The following KCND2 variants were observed in gnomAD, a reference collection of about 807,000 sequenced individuals.
The protein encoded by KCND2 is potassium voltage-gated channel subfamily D member 2.
In KCND2, 16 loss-of-function variants were observed where a neutral mutation model predicts 54.4. The observed-to-expected ratio is 0.29, with a 90% CI of 0.20 to 0.45. The LOEUF is 0.45. KCND2 is among the 20% of genes least tolerant of loss of function. The probability of loss-of-function intolerance (pLI) is 1.00; values close to 1 mark genes in which losing one functional copy is unlikely to be tolerated. For synonymous variants in KCND2, 317 were observed against 310.7 expected, an observed-to-expected ratio of 1.02 and a Z score of -0.21; for missense variants, 486 against 824.2, an observed-to-expected ratio of 0.59 and a Z score of 5.02.
At chr7:120,662,097 T>C (rs527996636) in intron 1 of KCND2, among the ~76,000 whole-genome samples, 3 of 152,304 alleles carry the variant, frequency 2.0e-5, no homozygotes, top group African/African-American at 4.8e-5. Context: ...GCAAAACTTA[T>C]ATTAAGTAAA....
At chr7:120,699,143 G>T (rs1333100085) in intron 1 of KCND2, among the ~76,000 whole-genome samples, 1 of 152,012 alleles carries the variant, frequency 6.6e-6, no homozygotes, top group African/African-American at 2.4e-5. Flanking sequence ...TTAGCCGGGT[G>T]TGGTGGCGGG....
intron 1 of KCND2, among the ~76,000 whole-genome samples, chr7:120,316,763 C>CT (rs1045200001): frequency 1.1e-4 from 17 of 151,316 alleles, no homozygotes; most frequent in Non-Finnish European, 2.1e-4. Flanking sequence ...AGAATGATAT[C>CT]TTTTTTTTGT....
intron 1 of KCND2, among the ~76,000 whole-genome samples, chr7:120,302,288 C>G (rs1285480952): frequency 6.6e-6 from 1 of 152,108 alleles, no homozygotes; most frequent in Non-Finnish European, 1.5e-5. Flanking sequence ...TTGAGACAGT[C>G]TCACTCTTTT....
At chr7:120,685,868 C>T (rs1792195122) in intron 1 of KCND2, among the ~76,000 whole-genome samples, 1 of 152,074 alleles carries the variant, frequency 6.6e-6, no homozygotes, top group African/African-American at 2.4e-5. Context: ...CTTCCTGAAC[C>T]CTGGTGGGCA....
intron 1 of KCND2, among the ~76,000 whole-genome samples, chr7:120,596,831 A>G (rs1792751883): frequency 6.6e-6 from 1 of 152,234 alleles, no homozygotes; most frequent in Admixed American, 6.5e-5. Context: ...AAACAAGTGC[A>G]CATGTGATTA....
intron 1 of KCND2, among the ~76,000 whole-genome samples, chr7:120,550,862 G>A (rs900528653): frequency 2.6e-5 from 4 of 152,136 alleles, no homozygotes; most frequent in African/African-American, 9.7e-5. Flanking sequence ...AAAGCAAGCC[G>A]GAAATAGCAC....
At position 120,320,206 on chromosome 7, in the gene KCND2, A is replaced by T. The variant is rs2116328714; in HGVS notation, c.1115+44459A>T. Among the ~76,000 whole-genome samples the T allele has an allele frequency of 2.0e-5, 3 of 152,092 alleles. No individual in the cohort carries two copies. In the Middle Eastern group the frequency reaches 0.01, roughly 517 times the overall value. On this transcript the variant is annotated intron_variant, in intron 1 of 5. Coordinates refer to ENST00000331113, the MANE Select transcript of KCND2 (RefSeq NM_012281.3). ...GGGAAGACAGGCACGTAATATAGTA[A>T]TATAAGTATAATAATGGATTGTATA...
chr7:120,332,422 A>G (rs1308042093), intron 1 of KCND2, among the ~76,000 whole-genome samples: 1 of 152,134 alleles, frequency 6.6e-6, no homozygotes, highest in Non-Finnish European at 1.5e-5. Flanking sequence ...GTTTGAAAGG[A>G]CTAATTATGT....
At chr7:120,630,484 A>AT (rs1290100727) in intron 1 of KCND2, among the ~76,000 whole-genome samples, 3 of 152,186 alleles carry the variant, frequency 2.0e-5, no homozygotes, top group African/African-American at 7.2e-5. Context: ...TCCTTCAGGT[A>AT]TATATGGTAC....
At chr7:120,394,425 T>C (rs1336767450) in intron 1 of KCND2, among the ~76,000 whole-genome samples, 1 of 151,910 alleles carries the variant, frequency 6.6e-6, no homozygotes, top group Non-Finnish European at 1.5e-5. Flanking sequence ...TTAGGTTCTA[T>C]AATAGTGATG....
At chr7:120,615,801 C>T (rs1482684730) in intron 1 of KCND2, among the ~76,000 whole-genome samples, 1 of 152,164 alleles carries the variant, frequency 6.6e-6, no homozygotes, top group African/African-American at 2.4e-5. Flanking sequence ...TAAAATGTAG[C>T]AAACTTCTCT....
intron 1 of KCND2, among the ~76,000 whole-genome samples, chr7:120,497,611 A>T (rs1199211949): frequency 6.6e-6 from 1 of 152,186 alleles, no homozygotes; most frequent in Non-Finnish European, 1.5e-5. Context: ...TCCTAGGTCT[A>T]GTCTTTGTTC....
chr7:120,323,297 T>G (rs898242421), intron 1 of KCND2, among the ~76,000 whole-genome samples: 1 of 152,072 alleles, frequency 6.6e-6, no homozygotes, highest in African/African-American at 2.4e-5. Context: ...GTTTTATTTA[T>G]TTATTTTTTT....
intron 1 of KCND2, among the ~76,000 whole-genome samples, chr7:120,644,882 G>T (rs1056673314): frequency 6.6e-6 from 1 of 152,028 alleles, no homozygotes; most frequent in Non-Finnish European, 1.5e-5. Flanking sequence ...CTTCATACAC[G>T]CATGATAGAT....
chr7:120,321,058 C>T (rs1388069455), intron 1 of KCND2, among the ~76,000 whole-genome samples: 1 of 152,076 alleles, frequency 6.6e-6, no homozygotes, highest in Non-Finnish European at 1.5e-5. Flanking sequence ...TAAATGCTAA[C>T]CTTTTTTTCC....
chr7:120,515,878 G>A (rs1178470989), intron 1 of KCND2, among the ~76,000 whole-genome samples: 1 of 152,064 alleles, frequency 6.6e-6, no homozygotes. Context: ...AGAGTCAGAA[G>A]AAGAAGAAAG....
At chr7:120,508,859 A>G (rs992239034) in intron 1 of KCND2, among the ~76,000 whole-genome samples, 1 of 149,530 alleles carries the variant, frequency 6.7e-6, no homozygotes, top group Non-Finnish European at 1.5e-5. Context: ...TCCTCCAGAT[A>G]CACACTTTTA....
intron 1 of KCND2, among the ~76,000 whole-genome samples, chr7:120,724,027 GAAAAAA>G (rs1157313672): frequency 6.6e-6 from 1 of 151,930 alleles, no homozygotes; most frequent in Non-Finnish European, 1.5e-5. Flanking sequence ...TCTGGTTCAG[GAAAAAA>G]AGAGGAAGAG....
At chr7:120,705,224 C>T (rs1225320129) in intron 1 of KCND2, among the ~76,000 whole-genome samples, 1 of 152,154 alleles carries the variant, frequency 6.6e-6, no homozygotes. Flanking sequence ...TCTTGGGCTA[C>T]ATTTCCTAAG....
Sources: gnomAD v4.1 joint callset for allele counts (sites outside exome capture counted in the v4.1 genomes callset) on GRCh38, gnomAD v4.1.1 for gene constraint, MANE v1.5 for transcripts, NCBI Gene and HGNC (gene_info 2026-07-23, HGNC 2026-07-21) for gene names.